The following CCDC197 variants were observed in gnomAD, a reference collection of about 807,000 sequenced individuals.
CCDC197 encodes uncharacterized protein CCDC197.
Under a neutral mutation model 13.4 loss-of-function variants are expected in CCDC197, and 24 were observed. That is an observed-to-expected ratio of 1.80 (90% CI 1.30 to 2.53). The LOEUF (loss-of-function observed/expected upper bound fraction) is 2.53, where lower values mean the gene tolerates loss of function less well. CCDC197 is among the 30% of genes most tolerant of loss of function. CCDC197 has a pLI of 0.00. For synonymous variants in CCDC197, 99 were observed against 55.5 expected, an observed-to-expected ratio of 1.78 and a Z score of -3.48; for missense variants, 255 against 148.8, an observed-to-expected ratio of 1.71 and a Z score of -3.71.
intron 5 of CCDC197, among the ~76,000 whole-genome samples, chr14:94,004,326 G>C (rs1017849846): frequency 6.6e-6 from 1 of 152,220 alleles, no homozygotes; most frequent in Non-Finnish European, 1.5e-5. Context: ...CACAGGATGA[G>C]GTCATGGAGT....
At chr14:93,995,358 G>A (rs1890261778), upstream of CCDC197, among the ~76,000 whole-genome samples, 1 of 152,184 alleles carries the variant, frequency 6.6e-6, no homozygotes, top group African/African-American at 2.4e-5. Context: ...GGGGGTGATG[G>A]GGTTGTACCA....
At chr14:94,000,108 C>G (rs6575381) in intron 3 of CCDC197, among the ~76,000 whole-genome samples, 100,740 of 152,048 alleles carry the variant, frequency 0.66, 35,884 homozygotes, top group East Asian at 0.98. Flanking sequence ...ATGAGGTTTT[C>G]TGTGTTGTTT....
At chr14:93,989,418 C>G (rs1383268438) in intron 1 of CCDC197, among the ~76,000 whole-genome samples, 1 of 152,108 alleles carries the variant, frequency 6.6e-6, no homozygotes, top group Non-Finnish European at 1.5e-5. Flanking sequence ...CATGCCTCTC[C>G]CTAGAGCAGA....
chr14:94,007,802 G>T (rs1322330413), intron 6 of CCDC197, among the ~76,000 whole-genome samples: 1 of 152,172 alleles, frequency 6.6e-6, no homozygotes, highest in South Asian at 2.1e-4. Context: ...CCAAACACGG[G>T]ATACTTAGCT....
chr14:93,993,540 C>T (rs191547989), upstream of CCDC197, among the ~76,000 whole-genome samples: 29 of 152,332 alleles, frequency 1.9e-4, 1 homozygote, highest in Admixed American at 9.1e-4. Flanking sequence ...TGCCTCAACC[C>T]GCAGCCCCAC....
intron 6 of CCDC197, among the ~76,000 whole-genome samples, chr14:94,008,017 T>C (rs1041655582): frequency 1.3e-5 from 2 of 152,230 alleles, no homozygotes; most frequent in African/African-American, 4.8e-5. Context: ...TGGAACTTAT[T>C]CATATTGCAA....
chr14:94,011,109 C>A (rs559098266), downstream of CCDC197, among the ~76,000 whole-genome samples: 1 of 152,304 alleles, frequency 6.6e-6, no homozygotes, highest in South Asian at 2.1e-4. Flanking sequence ...CACCAACTAC[C>A]CCTGCCTGGA....
intron 1 of CCDC197, among the ~76,000 whole-genome samples, chr14:93,992,296 A>G (rs1427980557): frequency 6.6e-6 from 1 of 152,184 alleles, no homozygotes; most frequent in Non-Finnish European, 1.5e-5. Context: ...AACATGGGCC[A>G]GCGAAGAGAA....
intron 6 of CCDC197, among the ~76,000 whole-genome samples, 164 bp from the exon 7 acceptor site, chr14:94,008,445 C>A (rs1472003315): frequency 1.3e-5 from 2 of 152,214 alleles, no homozygotes; most frequent in Non-Finnish European, 2.9e-5. Flanking sequence ...CTCTCTGAGC[C>A]TCTGTTTGCT....
At chr14:93,995,019 G>T (rs1166972988), upstream of CCDC197, among the ~76,000 whole-genome samples, 1 of 152,144 alleles carries the variant, frequency 6.6e-6, no homozygotes, top group Non-Finnish European at 1.5e-5. Context: ...CCTCAGCTTT[G>T]CCCTCTGTGA....
At chr14:94,004,408 G>A (rs577911769) in intron 5 of CCDC197, among the ~76,000 whole-genome samples, 3 of 152,318 alleles carry the variant, frequency 2.0e-5, no homozygotes, top group African/African-American at 2.4e-5. Flanking sequence ...GAGGCTTGGG[G>A]GCTATTGGCT....
intron 1 of CCDC197, among the ~76,000 whole-genome samples, chr14:93,988,266 G>C: frequency 1.0e-5 from 1 of 98,338 alleles, no homozygotes; most frequent in African/African-American, 4.1e-5. Flanking sequence ...GGAAGGAGGG[G>C]ATGGGAGGAA....
Position 93,999,284 on chromosome 14 carries a change from G to C in CCDC197, c.105-299G>C, listed in dbSNP as rs550084765. ...ATGGCAGCCACCTGCACAGCCTCCA[G>C]GGGAGGCACTGAAGACTCTGGCCAG... On this transcript the variant is annotated intron_variant, in intron 2 of 6. Transcript: ENST00000636493. The C allele has an allele frequency of 1.6e-4, 53 of 341,660 alleles. No individual in the cohort carries two copies. The South Asian group carries it at 2.1e-3, about 14-fold the overall frequency. The allele number at this position is 341,660 out of a possible 1,614,324, so 21.2% of individuals were successfully genotyped here.
chr14:93,999,149 C>G (rs1890412957), intron 2 of CCDC197, among the ~76,000 whole-genome samples: 2 of 152,302 alleles, frequency 1.3e-5, no homozygotes, highest in African/African-American at 4.8e-5. Flanking sequence ...CACGCATGAC[C>G]CTGGCCAGCA....
chr14:94,004,976 G>T lies in CCDC197; in HGVS notation c.615+5G>T. On this transcript the variant is annotated splice_donor_5th_base_variant and intron_variant, in intron 6 of 6. Transcript: ENST00000636493. ...TCCAAGCTCGATCTGATTAAGGTAA[G>T]GATAGACAGATGGCTGCGGGGCTCC... The T allele has an allele frequency of 1.4e-6, 1 of 701,784 alleles. No homozygotes were observed. The highest frequency in any genetic ancestry group is 2.6e-6 in the Non-Finnish European group (1 of 384,206). 43.5% of individuals were successfully genotyped at this position (701,784 alleles called of 1,614,324 possible).
intron 3 of CCDC197, chr14:94,000,863 A>C: frequency 2.3e-5 from 7 of 310,186 alleles, no homozygotes; most frequent in East Asian, 1.3e-4. Context: ...CCTTGAGGGC[A>C]GTCTCCCGCC....
chr14:93,992,854 G>A (rs1890234805), upstream of CCDC197, among the ~76,000 whole-genome samples: 1 of 152,176 alleles, frequency 6.6e-6, no homozygotes, highest in South Asian at 2.1e-4. Flanking sequence ...AGGGAAGTGG[G>A]TGCTGGGCCA....
At chr14:94,002,157 C>T (rs1442775033) in intron 4 of CCDC197, among the ~76,000 whole-genome samples, 1 of 152,158 alleles carries the variant, frequency 6.6e-6, no homozygotes, top group East Asian at 1.9e-4. Context: ...CTATTCTTCC[C>T]ATTTTCGAGG....
intron 1 of CCDC197, among the ~76,000 whole-genome samples, chr14:93,992,279 TG>T (rs1890226237): frequency 6.6e-6 from 1 of 152,040 alleles, no homozygotes; most frequent in Non-Finnish European, 1.5e-5. Context: ...TTGCTCCAGG[TG>T]GGACCAACAT....
Sources: gnomAD v4.1 joint callset for allele counts (sites outside exome capture counted in the v4.1 genomes callset) on GRCh38, gnomAD v4.1.1 for gene constraint, MANE v1.5 for transcripts, NCBI Gene and HGNC (gene_info 2026-07-23, HGNC 2026-07-21) for gene names.